The following AP1S2 variants were observed in gnomAD, a reference collection of about 807,000 sequenced individuals.
AP1S2 encodes the protein adaptor related protein complex 1 subunit sigma 2.
In AP1S2, 1 loss-of-function variant was observed where a neutral mutation model predicts 14.3. That is an observed-to-expected ratio of 0.07 (90% CI 0.02 to 0.33). The LOEUF is 0.33. Among genes scored for constraint, AP1S2 ranks in the 10% least tolerant of loss-of-function variants. The probability of loss-of-function intolerance (pLI) is 0.99; values close to 1 mark genes in which losing one functional copy is unlikely to be tolerated. For synonymous variants in AP1S2, 30 were observed against 40.5 expected, an observed-to-expected ratio of 0.74 and a Z score of 0.99; for missense variants, 30 against 117.7, an observed-to-expected ratio of 0.25 and a Z score of 3.45.
intron 1 of AP1S2, among the ~76,000 whole-genome samples, chrX:15,853,543 T>C (rs1273430621): frequency 8.9e-6 from 1 of 112,294 alleles, no homozygotes; most frequent in Non-Finnish European, 1.9e-5. Context: ...ACAGCGTTAC[T>C]GCAAATAAGA....
chrX:15,847,420 CT>C (rs1369164262), intron 2 of AP1S2, among the ~76,000 whole-genome samples: 6 of 111,599 alleles, frequency 5.4e-5, no homozygotes, highest in Non-Finnish European at 1.1e-4. Flanking sequence ...CCTTTTTCCA[CT>C]GTATCATACA....
chrX:15,852,041 C>G (rs1485393730), intron 2 of AP1S2, among the ~76,000 whole-genome samples: 1 of 112,139 alleles, frequency 8.9e-6, no homozygotes, highest in African/African-American at 3.2e-5. Context: ...AATACTGACC[C>G]TACTTTCCCC....
intron 4 of AP1S2, chrX:15,840,667 T>A (rs755205305): frequency 1.8e-6 from 1 of 568,529 alleles, no homozygotes; most frequent in South Asian, 2.5e-5. Flanking sequence ...TTATTTCCTT[T>A]GTCATTATAT....
At chrX:15,828,315 A>AG in intron 4 of AP1S2, 115 bp from the exon 5 acceptor site, 1 of 507,868 alleles carries the variant, frequency 2.0e-6, no homozygotes, top group Non-Finnish European at 2.9e-6. Context: ...AAATTACTTA[A>AG]ACTCTATGGT....
At chrX:15,829,432 C>T (rs918723226) in intron 4 of AP1S2, among the ~76,000 whole-genome samples, 2 of 111,670 alleles carry the variant, frequency 1.8e-5, no homozygotes, top group Admixed American at 1.9e-4. Flanking sequence ...ACATTCTCAG[C>T]TTCTCCATGT....
chrX:15,847,820 T>C (rs994966538), intron 2 of AP1S2, among the ~76,000 whole-genome samples: 3 of 112,118 alleles, frequency 2.7e-5, no homozygotes, highest in African/African-American at 9.7e-5. Context: ...AAATGGTAGA[T>C]TAAAAACCAG....
At chrX:15,852,307 T>G in intron 2 of AP1S2, 39 bp downstream of exon 2, 1 of 1,158,119 alleles carries the variant, frequency 8.6e-7, no homozygotes, top group Non-Finnish European at 1.2e-6. Context: ...GACCTAACAT[T>G]TGATTCTATT....
At chrX:15,831,087 C>T in intron 4 of AP1S2, 1 of 741,959 alleles carries the variant, frequency 1.3e-6, no homozygotes, top group Non-Finnish European at 1.6e-6. Context: ...CTTTTTTTAA[C>T]CTCCATATTT....
chrX:15,839,896 T>C (rs1933774811), intron 4 of AP1S2, among the ~76,000 whole-genome samples: 1 of 111,996 alleles, frequency 8.9e-6, no homozygotes, highest in South Asian at 3.6e-4. Context: ...TAATTTTAAG[T>C]TACAAAAGCT....
intron 1 of AP1S2, chrX:15,852,786 G>T: frequency 1.5e-6 from 1 of 658,505 alleles, no homozygotes; most frequent in Non-Finnish European, 1.8e-6. Flanking sequence ...TGGGTAATAA[G>T]CTGAAGTGAA....
At chrX:15,847,646 C>T (rs935211202) in intron 2 of AP1S2, among the ~76,000 whole-genome samples, 2 of 112,155 alleles carry the variant, frequency 1.8e-5, no homozygotes, top group African/African-American at 6.5e-5. Context: ...TCTTTCCCAT[C>T]GTTACTGTTT....
intron 1 of AP1S2, 92 bp from the exon 2 acceptor site, chrX:15,852,616 G>T: frequency 1.2e-6 from 1 of 842,850 alleles, no homozygotes; most frequent in Non-Finnish European, 1.7e-6. Context: ...TGGGGGATGG[G>T]GCATTTACAT....
intron 4 of AP1S2, among the ~76,000 whole-genome samples, chrX:15,836,837 G>A (rs1253000925): frequency 8.9e-6 from 1 of 112,172 alleles, no homozygotes; most frequent in East Asian, 2.8e-4. Context: ...GTGAGCCATG[G>A]TGGTGCCACT....
intron 2 of AP1S2, 73 bp downstream of exon 2, chrX:15,852,273 A>C: frequency 1.1e-6 from 1 of 937,661 alleles, no homozygotes; most frequent in Non-Finnish European, 1.5e-6. Flanking sequence ...AAATGTCATC[A>C]CTGAAGTCTG....
Position 15,834,590 on chromosome X carries a change from C to T in AP1S2, c.427-6390G>A, listed in dbSNP as rs780740364. ...TCACGGGTTCAAGCGATTCTCCTGC[C>T]TCAGCTTCCTGAGTAGCTGGGATTA... is the stretch of plus-strand genomic sequence containing the variant. On this transcript the variant is annotated intron_variant, in intron 4 of 5. Transcript: ENST00000672987. 2.4e-4 allele frequency among the ~76,000 whole-genome samples: 23 copies of T among 96,400 alleles called. No individual in the cohort carries two copies. The Admixed American group carries it at 2.7e-3, about 11-fold the overall frequency. 83.7% of individuals were successfully genotyped at this position (96,400 alleles called of 115,157 possible).
chrX:15,838,035 A>C (rs1933705891), intron 4 of AP1S2, among the ~76,000 whole-genome samples: 2 of 112,188 alleles, frequency 1.8e-5, no homozygotes, highest in African/African-American at 6.5e-5. Flanking sequence ...AAGATATAGC[A>C]GTCTATAAAT....
chrX:15,837,943 A>G (rs1601850647), intron 4 of AP1S2, among the ~76,000 whole-genome samples: 1 of 111,582 alleles, frequency 9.0e-6, no homozygotes, highest in African/African-American at 3.3e-5. Flanking sequence ...GTTCTTAAGC[A>G]CATTTATCCT....
intron 4 of AP1S2, chrX:15,830,055 G>A (rs948265330): frequency 8.2e-6 from 6 of 734,360 alleles, no homozygotes; most frequent in Non-Finnish European, 9.7e-6. Context: ...CACATGAGAC[G>A]AAGTACATGC....
intron 1 of AP1S2, among the ~76,000 whole-genome samples, chrX:15,854,041 G>A (rs1934254153): frequency 8.9e-6 from 1 of 111,986 alleles, no homozygotes; most frequent in Non-Finnish European, 1.9e-5. Flanking sequence ...CCACTTTGCA[G>A]GACGAAAAAA....
Sources: allele counts gnomAD v4.1 joint callset (sites outside exome capture counted in the v4.1 genomes callset), GRCh38; gene constraint gnomAD v4.1.1; transcripts MANE v1.5; gene names NCBI Gene and HGNC (gene_info 2026-07-23, HGNC 2026-07-21).